The following NOS1AP variants were observed in gnomAD, a reference collection of about 807,000 sequenced individuals.
NOS1AP encodes carboxyl-terminal PDZ ligand of neuronal nitric oxide synthase protein.
NOS1AP carries 21 observed loss-of-function variants against 56.2 expected under a neutral mutation model. The ratio of observed to expected loss-of-function variants is 0.37; its 90% CI spans 0.26 to 0.54. The LOEUF (loss-of-function observed/expected upper bound fraction) is 0.54, where lower values mean the gene tolerates loss of function less well. Among genes scored for constraint, NOS1AP ranks in the 20% least tolerant of loss-of-function variants. The pLI, the probability that NOS1AP is intolerant of heterozygous loss-of-function variation, is 0.84. For synonymous variants in NOS1AP, 270 were observed against 274.6 expected (o/e 0.98, Z 0.17); for missense variants, 522 against 657.8 (o/e 0.79, Z 2.26).
At chr1:162,201,894 T>A (rs1014946371) in intron 2 of NOS1AP, among the ~76,000 whole-genome samples, 26 of 152,250 alleles carry the variant, frequency 1.7e-4, no homozygotes, top group African/African-American at 6.0e-4. Context: ...TCTCATTCTA[T>A]AGGTTGTCTG....
chr1:162,319,912 C>A (rs926739889), intron 4 of NOS1AP, among the ~76,000 whole-genome samples: 23 of 152,204 alleles, frequency 1.5e-4, no homozygotes, highest in African/African-American at 5.1e-4. Flanking sequence ...TGACACATTC[C>A]CCACCCCACA....
At chr1:162,325,436 C>T (rs1656553354) in intron 4 of NOS1AP, among the ~76,000 whole-genome samples, 1 of 152,106 alleles carries the variant, frequency 6.6e-6, no homozygotes, top group African/African-American at 2.4e-5. Flanking sequence ...TGCATTCTTC[C>T]TATAGTGTCT....
intron 8 of NOS1AP, among the ~76,000 whole-genome samples, chr1:162,358,617 G>A (rs2101823043): frequency 6.6e-6 from 1 of 152,260 alleles, no homozygotes; most frequent in African/African-American, 2.4e-5. Context: ...GTTAATGATG[G>A]CACAGCAGTC....
At chr1:162,115,478 G>T (rs1189644161) in intron 1 of NOS1AP, among the ~76,000 whole-genome samples, 1 of 151,948 alleles carries the variant, frequency 6.6e-6, no homozygotes, top group Non-Finnish European at 1.5e-5. Flanking sequence ...GTAGGTTTTT[G>T]TGAGGGGATT....
intron 2 of NOS1AP, among the ~76,000 whole-genome samples, chr1:162,214,243 CTGTT>C (rs1292119425): frequency 6.7e-6 from 1 of 150,286 alleles, no homozygotes; most frequent in Non-Finnish European, 1.5e-5. Context: ...CTTTGTTAAT[CTGTT>C]TGCTTGTTCA....
chr1:162,293,257 G>A (rs1331758432), intron 3 of NOS1AP, among the ~76,000 whole-genome samples: 1 of 148,376 alleles, frequency 6.7e-6, no homozygotes, highest in African/African-American at 2.4e-5. Flanking sequence ...CTGCTATTAG[G>A]TGCTTGAATA....
intron 4 of NOS1AP, among the ~76,000 whole-genome samples, chr1:162,329,046 A>G (rs1338972639): frequency 6.6e-6 from 1 of 152,176 alleles, no homozygotes; most frequent in African/African-American, 2.4e-5. Context: ...TCACGTTGTC[A>G]ACCTAAATTC....
At chr1:162,150,139 C>A (rs1649650687) in intron 1 of NOS1AP, among the ~76,000 whole-genome samples, 2 of 152,134 alleles carry the variant, frequency 1.3e-5, no homozygotes, top group Non-Finnish European at 2.9e-5. Flanking sequence ...TGCAACTACC[C>A]TTCCCACCTA....
intron 1 of NOS1AP, among the ~76,000 whole-genome samples, chr1:162,105,235 T>G (rs1046681525): frequency 6.6e-6 from 1 of 152,206 alleles, no homozygotes; most frequent in Non-Finnish European, 1.5e-5. Flanking sequence ...GTATCACCAG[T>G]GAAGGCTGTG....
chr1:162,325,476 G>A (rs1571220153), intron 4 of NOS1AP, among the ~76,000 whole-genome samples: 3 of 152,018 alleles, frequency 2.0e-5, no homozygotes, highest in African/African-American at 4.8e-5. Flanking sequence ...AGCATTTGGA[G>A]ACTCTCGTCA....
chr1:162,339,389 T>A (rs141019650), intron 5 of NOS1AP, among the ~76,000 whole-genome samples: 2 of 125,788 alleles, frequency 1.6e-5, no homozygotes, highest in African/African-American at 6.7e-5. Context: ...TGCAGTATAA[T>A]GATGCTTTTT....
At chr1:162,146,405 A>G (rs1196089776) in intron 1 of NOS1AP, among the ~76,000 whole-genome samples, 1 of 151,978 alleles carries the variant, frequency 6.6e-6, no homozygotes, top group Non-Finnish European at 1.5e-5. Context: ...GGTCCTGAAG[A>G]CCTGGCTGGG....
chr1:162,162,975 C>G (rs1017100872), intron 2 of NOS1AP, among the ~76,000 whole-genome samples: 2 of 152,142 alleles, frequency 1.3e-5, no homozygotes, highest in African/African-American at 4.8e-5. Context: ...CCCCAACACC[C>G]CTAGCCCCAG....
At chr1:162,103,048 T>G (rs188886339) in intron 1 of NOS1AP, among the ~76,000 whole-genome samples, 71 of 152,234 alleles carry the variant, frequency 4.7e-4, no homozygotes, top group African/African-American at 1.6e-3. Flanking sequence ...TGAGATCTTT[T>G]TAGCTTTTTG....
At chr1:162,282,247 C>T (rs1304848242) in intron 2 of NOS1AP, among the ~76,000 whole-genome samples, 1 of 152,228 alleles carries the variant, frequency 6.6e-6, no homozygotes, top group Non-Finnish European at 1.5e-5. Context: ...TGTTAAACAA[C>T]TTCCATTTCC....
chr1:162,333,705 G>A (rs748032081), intron 5 of NOS1AP, among the ~76,000 whole-genome samples: 3 of 152,138 alleles, frequency 2.0e-5, no homozygotes, highest in Non-Finnish European at 4.4e-5. Flanking sequence ...CCTGAGTGAC[G>A]TTATGTAGGT....
At chr1:162,250,355 G>A (rs1653809896) in intron 2 of NOS1AP, among the ~76,000 whole-genome samples, 1 of 152,172 alleles carries the variant, frequency 6.6e-6, no homozygotes, top group South Asian at 2.1e-4. Context: ...AAAAAAGGAT[G>A]GAGATAGGTT....
chr1:162,361,402 G>A (rs571780585), intron 8 of NOS1AP, among the ~76,000 whole-genome samples: 3 of 152,282 alleles, frequency 2.0e-5, no homozygotes, highest in South Asian at 2.1e-4. Context: ...ACGCTGCCTC[G>A]TTTCAGTGCT....
At chr1:162,255,422 A>C (rs944275663) in intron 2 of NOS1AP, among the ~76,000 whole-genome samples, 2 of 146,892 alleles carry the variant, frequency 1.4e-5, no homozygotes, top group Non-Finnish European at 3.0e-5. Context: ...TTACTGTTTC[A>C]GGTCAGGAGA....
Sources: allele counts gnomAD v4.1 joint callset (sites outside exome capture counted in the v4.1 genomes callset), GRCh38; gene constraint gnomAD v4.1.1; transcripts MANE v1.5; gene names NCBI Gene and HGNC (gene_info 2026-07-23, HGNC 2026-07-21).